ANK1: variants seen among roughly 807,000 people sequenced by gnomAD.
The protein encoded by ANK1 is ankyrin 1, also known as ankyrin-1.
Under a neutral mutation model 210.4 loss-of-function variants are expected in ANK1, and 51 were observed. The observed-to-expected ratio is 0.24, with a 90% CI of 0.19 to 0.31. The LOEUF (loss-of-function observed/expected upper bound fraction) is 0.31. Among genes scored for constraint, ANK1 ranks in the 10% least tolerant of loss-of-function variants. The pLI, the probability that ANK1 is intolerant of heterozygous loss-of-function variation, is 1.00. For synonymous variants in ANK1, 967 were observed against 1,025.9 expected, an observed-to-expected ratio of 0.94 and a Z score of 1.10; for missense variants, 2,051 against 2,504.4, an observed-to-expected ratio of 0.82 and a Z score of 3.86.
intron 1 of ANK1, among the ~76,000 whole-genome samples, chr8:41,766,238 T>C (rs1328440868): frequency 6.6e-6 from 1 of 152,072 alleles, no homozygotes; most frequent in Non-Finnish European, 1.5e-5. Context: ...TGTCTGCTTG[T>C]GCTTGGGGGA....
intron 1 of ANK1, among the ~76,000 whole-genome samples, chr8:41,836,884 C>G (rs992194237): frequency 4.0e-5 from 6 of 149,892 alleles, no homozygotes; most frequent in Admixed American, 2.7e-4. Context: ...TGCACCACTG[C>G]ACTCCAGCCT....
chr8:41,696,392 T>G lies in ANK1; in HGVS notation c.2931A>C (p.Ala977=), dbSNP rs2150596749. The G allele has an allele frequency of 6.2e-7, 1 of 1,613,340 alleles. No homozygotes were observed. Among genetic ancestry groups the G allele is most frequent in the South Asian group, 1.1e-5 (1 of 91,084 alleles). ...GGAACTGTGCCCCCGTGGGCCCCAG[T>G]GCTATGATCCTGCTGGCCAGGCCCT... ...EEEGLASRII[A]LGPTGAQFLS... Residue 977 remains alanine (A), a synonymous_variant, in exon 26 of 43, where the codon GCA becomes GCC. Coordinates refer to ENST00000289734, the MANE Select transcript of ANK1 (RefSeq NM_000037.4).
At chr8:41,760,592 A>T (rs1296647497) in intron 1 of ANK1, among the ~76,000 whole-genome samples, 1 of 152,218 alleles carries the variant, frequency 6.6e-6, no homozygotes, top group East Asian at 1.9e-4. Flanking sequence ...CAGGCATTGG[A>T]GTCCGTGGCC....
intron 37 of ANK1, among the ~76,000 whole-genome samples, chr8:41,675,552 C>T (rs1397135238): frequency 2.0e-5 from 3 of 152,184 alleles, no homozygotes; most frequent in Non-Finnish European, 2.9e-5. Flanking sequence ...TGGTCTTTTC[C>T]ATAGACTTTG....
At chr8:41,831,561 T>A (rs116752624) in intron 1 of ANK1, among the ~76,000 whole-genome samples, 2 of 149,728 alleles carry the variant, frequency 1.3e-5, no homozygotes, top group Admixed American at 6.7e-5. Flanking sequence ...GGCAGAAGGA[T>A]TGCTTGAACC....
upstream of ANK1, among the ~76,000 whole-genome samples, chr8:41,797,874 A>C (rs1008269087): frequency 1.3e-5 from 2 of 151,888 alleles, no homozygotes; most frequent in African/African-American, 2.4e-5. The surrounding 1 kb of genome is among the most constrained non-coding windows in gnomAD (Gnocchi z 4.0). Flanking sequence ...AGAGTTGGAC[A>C]TCAGGCCACA....
chr8:41,797,717 G>C (rs1849057530), upstream of ANK1: 2 of 905,976 alleles, frequency 2.2e-6, no homozygotes, highest in Non-Finnish European at 3.1e-6. The surrounding 1 kb of genome is among the most constrained non-coding windows in gnomAD (Gnocchi z 4.0). Context: ...CGGGCGGGCG[G>C]AGGGGTGGCG....
chr8:41,692,562 C>A, intron 31 of ANK1, 86 bp downstream of exon 31: 1 of 1,362,488 alleles, frequency 7.3e-7, no homozygotes. Context: ...AGAGGGAGGA[C>A]TGCCTGCCTG....
rs567134391 is a variant in ANK1 at position 41,808,096 on chromosome 8, T to A, written c.127-49959A>T. On this transcript the variant is annotated intron_variant, in intron 1 of 42. Coordinates refer to the ANK1 transcript ENST00000265709. The stretch of plus-strand genomic sequence containing the variant: ...GCTCTAAGGCCAGACCCAGAAAGGG[T>A]CTTCTCTGCAGAGCATGCCAGAGCC... Among the ~76,000 whole-genome samples the A allele has an allele frequency of 3.3e-5, 5 of 152,078 alleles. No individual in the cohort carries two copies. The South Asian group carries it at 8.3e-4, about 25-fold the overall frequency.
chr8:41,870,425 C>A (rs750881593), intron 1 of ANK1, among the ~76,000 whole-genome samples: 4 of 152,152 alleles, frequency 2.6e-5, no homozygotes, highest in Non-Finnish European at 5.9e-5. Context: ...TGACTCACAC[C>A]CCAAGCAAGG....
chr8:41,758,262 G>A (rs1771450245), intron 1 of ANK1, 125 bp from the exon 2 acceptor site: 1 of 848,904 alleles, frequency 1.2e-6, no homozygotes. Flanking sequence ...TGCCCACAGT[G>A]ACACCAGGTG....
At position 41,668,392 on chromosome 8, in the gene ANK1, C is replaced by G. The variant is rs748023535; in HGVS notation, c.5269G>C (p.Val1757Leu). Reference sequence around the variant, plus strand: ...TGTTCTGTCCACGTGTGCTCACTTACAGACACCAGGACCTTCTCGTACTCC... The same window carrying G: ...TGTTCTGTCCACGTGTGCTCACTTAGAGACACCAGGACCTTCTCGTACTCC... ...SQEYEKVLVSVSEHTWTEQPE... is the reference protein window; with the variant it reads ...SQEYEKVLVSLSEHTWTEQPE... Residue 1757 changes from valine (V) to leucine (L), a missense_variant, in exon 39 of 43, where the codon GTA becomes CTA. Val to Leu is a conservative substitution (Grantham distance 32, BLOSUM62 1). Transcript: ENST00000289734. 1 of 1,614,230 alleles carries G rather than the reference C, an allele frequency of 6.2e-7. No homozygotes were observed. The highest frequency in any genetic ancestry group is 2.2e-5 in the East Asian group (1 of 44,884).
intron 17 of ANK1, among the ~76,000 whole-genome samples, chr8:41,708,305 A>T (rs1825235199): frequency 6.6e-6 from 1 of 152,182 alleles, no homozygotes; most frequent in African/African-American, 2.4e-5. Context: ...TCCTCCCCAG[A>T]TGTGTGCGCA....
At chr8:41,837,837 C>G (rs1808061810) in intron 1 of ANK1, among the ~76,000 whole-genome samples, 1 of 152,110 alleles carries the variant, frequency 6.6e-6, no homozygotes, top group African/African-American at 2.4e-5. Flanking sequence ...CACCATTGCA[C>G]TACAGCCTGG....
At chr8:41,864,610 C>A (rs903296884) in intron 1 of ANK1, among the ~76,000 whole-genome samples, 20 of 152,114 alleles carry the variant, frequency 1.3e-4, no homozygotes, top group Non-Finnish European at 2.6e-4. Context: ...GCTGCTTCTG[C>A]CAGTTACTGC....
Position 41,696,655 on chromosome 8 carries a change from A to G in ANK1, c.2735+21T>C, listed in dbSNP as rs1409302788. The G allele has an allele frequency of 1.9e-6, 3 of 1,605,728 alleles. No individual in the cohort carries two copies. The East Asian group carries it at 6.7e-5, about 36-fold the overall frequency. On this transcript the variant is annotated intron_variant, in intron 25 of 42. Coordinates refer to ENST00000289734, the MANE Select transcript of ANK1 (RefSeq NM_000037.4). ...TCGGAGATGGAGACAGGAGTCCCCG[A>G]GCCCTGCGCCCGCCACTCACCCTGT...
intron 3 of ANK1, among the ~76,000 whole-genome samples, chr8:41,728,663 C>T (rs545139867): frequency 1.0e-3 from 152 of 152,080 alleles, no homozygotes; most frequent in Middle Eastern, 3.4e-3. Flanking sequence ...AAGGAGAGTG[C>T]GGCCATGTCA....
chr8:41,765,319 G>A (rs539296793), intron 1 of ANK1, among the ~76,000 whole-genome samples: 4 of 151,392 alleles, frequency 2.6e-5, no homozygotes, highest in Non-Finnish European at 4.4e-5. Context: ...GCTCACTGCA[G>A]CCTCAAAGTC....
Position 41,655,684 on chromosome 8 carries a change from A to G in ANK1, c.*106T>C, listed in dbSNP as rs373367733. The G allele has an allele frequency of 6.2e-7, 1 of 1,610,436 alleles. No homozygotes were observed. Among genetic ancestry groups the G allele is most frequent in the Non-Finnish European group, 8.5e-7 (1 of 1,176,830 alleles). On this transcript the variant is annotated 3_prime_UTR_variant, in exon 43 of 43. Transcript: ENST00000289734. ...TGTGTGCACCGCTGCGGTGGCCCTC[A>G]GGTCCAGCTCTCCTCCTGTGTGCAT...
Sources: gnomAD v4.1 joint callset for allele counts (sites outside exome capture counted in the v4.1 genomes callset) on GRCh38, gnomAD v4.1.1 for gene constraint, Gnocchi (gnomAD v3.1) non-coding constraint, MANE v1.5 for transcripts, NCBI Gene and HGNC (gene_info 2026-07-23, HGNC 2026-07-21) for gene names.